The following IMMP2L variants were observed in gnomAD, a reference collection of about 807,000 sequenced individuals.
The protein encoded by IMMP2L is mitochondrial inner membrane protease subunit 2.
IMMP2L carries 18 observed loss-of-function variants against 19.3 expected under a neutral mutation model. The ratio of observed to expected loss-of-function variants is 0.93; its 90% CI spans 0.64 to 1.38. The LOEUF is 1.38. Ranked by LOEUF, IMMP2L falls within the 40% of genes most tolerant of loss-of-function variation. IMMP2L has a pLI of 0.00. For missense variants in IMMP2L, 233 were observed against 218.2 expected (o/e 1.07, Z -0.43); for synonymous variants, 76 against 73.0 (o/e 1.04, Z -0.21).
At chr7:111,077,552 T>G (rs535110146) in intron 3 of IMMP2L, among the ~76,000 whole-genome samples, 2 of 152,214 alleles carry the variant, frequency 1.3e-5, no homozygotes, top group South Asian at 2.1e-4. Context: ...CTGTCATCTC[T>G]CAACATCTCT....
intron 4 of IMMP2L, among the ~76,000 whole-genome samples, chr7:110,947,336 G>C (rs981878209): frequency 6.6e-6 from 1 of 152,144 alleles, no homozygotes; most frequent in Non-Finnish European, 1.5e-5. Context: ...TGAAAGTCAT[G>C]TGAGAATACT....
At chr7:110,861,344 T>C (rs1402976591) in intron 5 of IMMP2L, among the ~76,000 whole-genome samples, 2 of 151,848 alleles carry the variant, frequency 1.3e-5, no homozygotes, top group African/African-American at 2.4e-5. Flanking sequence ...AGTGTTGCAA[T>C]ATTGGCTCAC....
intron 3 of IMMP2L, among the ~76,000 whole-genome samples, chr7:111,273,157 A>T (rs947256399): frequency 2.0e-5 from 3 of 151,960 alleles, no homozygotes; most frequent in Admixed American, 1.3e-4. Flanking sequence ...GGCATCTGTA[A>T]TCCCAGCTAC....
chr7:110,944,752 G>A (rs543406146), intron 4 of IMMP2L, among the ~76,000 whole-genome samples: 1 of 151,946 alleles, frequency 6.6e-6, no homozygotes, highest in East Asian at 1.9e-4. Flanking sequence ...TCCAGAGACA[G>A]TTTACTCATA....
intron 3 of IMMP2L, among the ~76,000 whole-genome samples, chr7:110,994,619 C>T (rs1221523628): frequency 1.3e-5 from 2 of 152,136 alleles, no homozygotes; most frequent in African/African-American, 4.8e-5. Flanking sequence ...CCTTTTGGAA[C>T]AGCACATTCT....
intron 1 of IMMP2L, among the ~76,000 whole-genome samples, chr7:111,545,684 A>G (rs1848866714): frequency 6.6e-6 from 1 of 152,180 alleles, no homozygotes; most frequent in African/African-American, 2.4e-5. Flanking sequence ...TATCAGATAC[A>G]TGAACTGCAG....
At chr7:110,962,894 T>C in intron 4 of IMMP2L, 1 of 1,360,938 alleles carries the variant, frequency 7.3e-7, no homozygotes, top group Non-Finnish European at 9.4e-7. Context: ...GCGATCACAA[T>C]GAGACACATC....
Position 111,214,504 on chromosome 7 carries a change from G to GTT in IMMP2L, c.240-250941_240-250940dup, listed in dbSNP as rs71151836. ...ATTACAGGCACCTGCCACCAAATCT[G>GTT]TTTTTTTTTTTTTTTTTTTTTTTAA... On this transcript the variant is annotated intron_variant, in intron 3 of 5. Coordinates refer to ENST00000405709, the MANE Select transcript of IMMP2L (RefSeq NM_032549.4). Among the ~76,000 whole-genome samples the GTT allele has an allele frequency of 8.5e-3, 825 of 96,912 alleles. 8 individuals are homozygous for GTT. The highest frequency in any genetic ancestry group is 0.03 in the South Asian group (62 of 2,056). The allele number at this position is 96,912 out of a possible 152,430, so 63.6% of individuals were successfully genotyped here.
intron 3 of IMMP2L, among the ~76,000 whole-genome samples, chr7:111,393,423 TTCCTTCC>T (rs1832577159): frequency 6.6e-6 from 1 of 152,174 alleles, no homozygotes; most frequent in Admixed American, 6.6e-5. Flanking sequence ...TCTCTTTCCC[TTCCTTCC>T]TCCTTCCTCA....
intron 5 of IMMP2L, among the ~76,000 whole-genome samples, chr7:110,735,860 A>G (rs1796600157): frequency 6.7e-6 from 1 of 148,156 alleles, no homozygotes; most frequent in Non-Finnish European, 1.5e-5. Flanking sequence ...AAAAAAAAAA[A>G]AAAAAAAAAA....
At chr7:110,956,294 C>A (rs1341824760) in intron 4 of IMMP2L, among the ~76,000 whole-genome samples, 1 of 151,974 alleles carries the variant, frequency 6.6e-6, no homozygotes, top group East Asian at 1.9e-4. Context: ...TCTGCAATAT[C>A]AATACTAGTT....
At chr7:110,920,906 A>G (rs940528486) in intron 4 of IMMP2L, among the ~76,000 whole-genome samples, 1 of 152,200 alleles carries the variant, frequency 6.6e-6, no homozygotes. Context: ...GTCAAAACTA[A>G]GAAATTAACA....
intron 5 of IMMP2L, among the ~76,000 whole-genome samples, chr7:110,798,703 T>C (rs1228470173): frequency 2.6e-5 from 4 of 151,938 alleles, no homozygotes; most frequent in Admixed American, 6.6e-5. Context: ...GTGACTTCAA[T>C]TGAACATTAT....
At chr7:111,348,719 GA>G (rs2130862141) in intron 3 of IMMP2L, among the ~76,000 whole-genome samples, 1 of 152,188 alleles carries the variant, frequency 6.6e-6, no homozygotes, top group African/African-American at 2.4e-5. Flanking sequence ...ATAGTCTTTA[GA>G]AACTGTTAAG....
chr7:110,758,074 G>A lies in IMMP2L; in HGVS notation c.409-94353C>T, dbSNP rs74693237. The stretch of plus-strand genomic sequence containing the variant: ...ACTAGAAGAATATGTTGCCCTAGGA[G>A]TTAGGGAAGAAAATGTTTCAAGGAG... On this transcript the variant is annotated intron_variant, in intron 5 of 5. Coordinates refer to ENST00000405709, the MANE Select transcript of IMMP2L (RefSeq NM_032549.4). This position sits in a 1 kb window ranked among gnomAD's most constrained non-coding sequence, Gnocchi z 4.6. Among the ~76,000 whole-genome samples the A allele has an allele frequency of 0.018, 2,684 of 152,222 alleles. 34 individuals carry two copies. Among genetic ancestry groups the A allele is most frequent in the Admixed American group, 0.036 (550 of 15,260 alleles).
At chr7:110,974,432 T>C (rs2129557064) in intron 3 of IMMP2L, among the ~76,000 whole-genome samples, 1 of 152,266 alleles carries the variant, frequency 6.6e-6, no homozygotes, top group African/African-American at 2.4e-5. Flanking sequence ...TTAAACTCTA[T>C]TTAAAACTTT....
chr7:111,137,028 A>G (rs1415960414), intron 3 of IMMP2L, among the ~76,000 whole-genome samples: 5 of 152,104 alleles, frequency 3.3e-5, no homozygotes, highest in Admixed American at 3.3e-4. Flanking sequence ...TTATTATCAT[A>G]ACAGCACAGA....
intron 5 of IMMP2L, among the ~76,000 whole-genome samples, chr7:110,879,929 G>A (rs1397227527): frequency 6.6e-6 from 1 of 152,108 alleles, no homozygotes; most frequent in East Asian, 1.9e-4. Flanking sequence ...TTGTTAGGAA[G>A]CAAAATAATG....
At position 111,050,766 on chromosome 7, in the gene IMMP2L, T is replaced by C. The variant is rs10266806; in HGVS notation, c.240-87201A>G. ...TTTGTGCCTAATACATACCACATCT[T>C]TTCAAAAGTTACGTATTTATTTATG... is the stretch of plus-strand genomic sequence containing the variant. On this transcript the variant is annotated intron_variant, in intron 3 of 5. Transcript: ENST00000405709. Among the ~76,000 whole-genome samples the C allele has an allele frequency of 9.7e-3, 1,476 of 152,302 alleles. 24 individuals are homozygous for C. Among genetic ancestry groups the C allele is most frequent in the African/African-American group, 0.033 (1,370 of 41,562 alleles).
Sources: allele counts gnomAD v4.1 joint callset (sites outside exome capture counted in the v4.1 genomes callset), GRCh38; gene constraint gnomAD v4.1.1; non-coding constraint Gnocchi (gnomAD v3.1); transcripts MANE v1.5; gene names NCBI Gene and HGNC (gene_info 2026-07-23, HGNC 2026-07-21).